Variants in MDM2 observed in about 807,000 individuals in gnomAD.
MDM2 encodes the protein MDM2 proto-oncogene.
A neutral mutation model predicts 64.3 loss-of-function variants in MDM2; 11 were observed. The observed-to-expected ratio is 0.17, with a 90% CI of 0.11 to 0.28. The LOEUF (loss-of-function observed/expected upper bound fraction) is 0.28. Among genes scored for constraint, MDM2 ranks in the 10% least tolerant of loss-of-function variants. The pLI, the probability that MDM2 is intolerant of heterozygous loss-of-function variation, is 1.00. For missense variants in MDM2, 388 were observed against 577.1 expected (o/e 0.67, Z 3.36); for synonymous variants, 194 against 192.9 (o/e 1.01, Z -0.05).
intron 1 of MDM2, chr12:68,808,967 GT>G: frequency 1.4e-6 from 2 of 1,410,446 alleles, no homozygotes; most frequent in South Asian, 3.3e-5. Flanking sequence ...AAGGAGTTAA[GT>G]CCTGACTTGT....
chr12:68,826,914 C>T (rs1037650479), intron 7 of MDM2, among the ~76,000 whole-genome samples: 10 of 152,098 alleles, frequency 6.6e-5, no homozygotes, highest in South Asian at 4.1e-4. Context: ...CAGTGGCTCA[C>T]GCCTGTAATC....
chr12:68,808,866 C>G, intron 1 of MDM2: 1 of 1,341,686 alleles, frequency 7.5e-7, no homozygotes, highest in South Asian at 1.8e-5. Flanking sequence ...TGCGCGTAGT[C>G]TGGGCGGGAT....
rs780839266 is a variant in MDM2, at chr12:68,841,714, G to T, written c.*1865G>T. The T allele has an allele frequency of 2.3e-4, 47 of 206,736 alleles. No individual in the cohort carries two copies. The highest frequency in any genetic ancestry group is 3.6e-4 in the Non-Finnish European group (37 of 101,474). 12.8% of individuals were successfully genotyped at this position (206,736 alleles called of 1,614,324 possible). A position where few individuals can be genotyped will look rare whatever the true frequency, so the allele number is the denominator to read the frequency against. On this transcript the variant is annotated 3_prime_UTR_variant, in exon 11 of 11. Coordinates refer to ENST00000258149, the MANE Select transcript of MDM2 (RefSeq NM_002392.6). ...CTTAAGGCCAGTTTTAGAAACCCGT[G>T]AATTCAGAAAAGTTAATTCAGAAAT...
At position 68,816,272 on chromosome 12, in the gene MDM2, A is replaced by G. The variant is rs188220595; in HGVS notation, c.175-540A>G. On this transcript the variant is annotated intron_variant, in intron 3 of 10. Transcript: ENST00000258149. Reference sequence around the variant, plus strand: ...GGGCAGAGTTAAAGTCTACAAGGAAAAAAACCTCACATTTTAAGGTTTGCT... The same window carrying G: ...GGGCAGAGTTAAAGTCTACAAGGAAGAAAACCTCACATTTTAAGGTTTGCT... 3.9e-5 allele frequency among the ~76,000 whole-genome samples: 6 copies of G among 152,242 alleles called. No individual in the cohort carries two copies. The East Asian group carries it at 9.6e-4, about 24-fold the overall frequency.
intron 8 of MDM2, 133 bp downstream of exon 8, chr12:68,829,064 TTAAAA>T: frequency 1.1e-6 from 1 of 930,216 alleles, no homozygotes; most frequent in Non-Finnish European, 1.6e-6. Flanking sequence ...AAATTTTACT[TTAAAA>T]TAAAACTACT....
At chr12:68,828,677 A>G (rs547866305) in intron 7 of MDM2, 94 bp from the exon 8 acceptor site, 8 of 1,064,444 alleles carry the variant, frequency 7.5e-6, no homozygotes, top group African/African-American at 3.2e-5. Flanking sequence ...AACTAATTTT[A>G]TTGAAACTAA....
rs1303225472 is a variant in MDM2 at position 68,824,379 on chromosome 12, T to A, written c.375T>A (p.Gly125=). ...VVNQQESSDS[G]TSVSENRCHL... ...TTCTCTCAGAATCATCGGACTCAGG[T>A]ACATCTGTGAGTGAGAACAGGTGTC... Residue 125 remains glycine, a synonymous_variant, in exon 6 of 11, where the codon GGT becomes GGA. Coordinates refer to ENST00000258149, the MANE Select transcript of MDM2 (RefSeq NM_002392.6). 6.2e-7 allele frequency: 1 copy of A among 1,613,820 alleles called. No individual in the cohort carries two copies. Among genetic ancestry groups the A allele is most frequent in the Admixed American group, 1.7e-5 (1 of 59,940 alleles).
intron 2 of MDM2, among the ~76,000 whole-genome samples, chr12:68,811,652 T>C (rs1331595016): frequency 6.8e-6 from 1 of 146,502 alleles, no homozygotes; most frequent in African/African-American, 2.6e-5. Context: ...TTGCCCAGGC[T>C]GGAGTGCAGT....
chr12:68,815,848 G>A (rs1350455420), intron 3 of MDM2: 1 of 164,528 alleles, frequency 6.1e-6, no homozygotes, highest in Non-Finnish European at 1.4e-5. Flanking sequence ...ATGTATTTAG[G>A]TAGTTGTTAA....
chr12:68,820,257 C>A (rs1881729183), intron 4 of MDM2, 68 bp from the exon 5 acceptor site: 1 of 1,206,104 alleles, frequency 8.3e-7, no homozygotes, highest in Non-Finnish European at 1.2e-6. Context: ...CTGGTTAGAT[C>A]CAGCTTAATA....
At chr12:68,846,990 A>G (rs1453772089), downstream of MDM2, 2 of 151,004 alleles carry the variant, frequency 1.3e-5, no homozygotes, top group East Asian at 3.9e-4. Flanking sequence ...GAAGTTTTTT[A>G]TTTGTTTTTT....
downstream of MDM2, chr12:68,848,916 T>C (rs936156775): frequency 2.0e-5 from 3 of 152,056 alleles, no homozygotes; most frequent in Non-Finnish European, 4.4e-5. Context: ...TTTCACTATA[T>C]TGGCCAGGCT....
Position 68,842,193 on chromosome 12 carries a change from A to G in MDM2, c.*2344A>G, listed in dbSNP as rs1046875566. Reference sequence around the variant, plus strand: ...GAATAAAACTACTGATGCAGTGAAGACAGTTGAAAAGATCAAACAAATGCC... The same window carrying G: ...GAATAAAACTACTGATGCAGTGAAGGCAGTTGAAAAGATCAAACAAATGCC... On this transcript the variant is annotated 3_prime_UTR_variant, in exon 11 of 11. Coordinates refer to ENST00000258149, the MANE Select transcript of MDM2 (RefSeq NM_002392.6). The G allele has an allele frequency of 1.0e-5, 5 of 499,184 alleles. No individual in the cohort carries two copies. Among genetic ancestry groups the G allele is most frequent in the Non-Finnish European group, 2.0e-5 (5 of 253,368 alleles). 30.9% of individuals were successfully genotyped at this position (499,184 alleles called of 1,614,324 possible).
chr12:68,828,938 T>G lies in MDM2; in HGVS notation c.684+7T>G, dbSNP rs973963800. 3.7e-6 allele frequency: 6 copies of G among 1,613,488 alleles called. No homozygotes were observed. In the African/African-American group the frequency reaches 8.0e-5, roughly 22 times the overall value. Reference sequence around the variant, plus strand: ...AGGGACGCCATCGAATCCGGTAATGTTCTCATTTTAAGTAAGGCAAGACTC... The same window carrying G: ...AGGGACGCCATCGAATCCGGTAATGGTCTCATTTTAAGTAAGGCAAGACTC... On this transcript the variant is annotated splice_region_variant and intron_variant, in intron 8 of 10. Coordinates refer to ENST00000258149, the MANE Select transcript of MDM2 (RefSeq NM_002392.6).
Position 68,838,726 on chromosome 12 carries a change from C to T in MDM2, c.919-548C>T, listed in dbSNP as rs76877476. On this transcript the variant is annotated intron_variant, in intron 10 of 10. Transcript: ENST00000258149. ...AGGCTGCATGACAGAGTAAAAGATCCCATAGACTTGCTTCAACTAAAGGAA... is the reference window on the plus strand; with the variant it reads ...AGGCTGCATGACAGAGTAAAAGATCTCATAGACTTGCTTCAACTAAAGGAA... Among the ~76,000 whole-genome samples the T allele has an allele frequency of 8.1e-3, 1,235 of 152,208 alleles. 25 individuals carry two copies. The highest frequency in any genetic ancestry group is 0.028 in the African/African-American group (1,183 of 41,518).
At chr12:68,812,885 GA>G (rs1196618881) in intron 2 of MDM2, among the ~76,000 whole-genome samples, 1 of 152,026 alleles carries the variant, frequency 6.6e-6, no homozygotes, top group Non-Finnish European at 1.5e-5. Context: ...GCTCTTTACA[GA>G]AAAAAATTGA....
At position 68,842,002 on chromosome 12, in the gene MDM2, C is replaced by T; in HGVS notation, c.*2153C>T. ...TCATCTGCAGCTGTTGCAAGGTGTT[C>T]AGATTGTATAAACATAAATGTCACA... On this transcript the variant is annotated 3_prime_UTR_variant, in exon 11 of 11. Transcript: ENST00000258149. 2.5e-6 allele frequency: 1 copy of T among 400,326 alleles called. No homozygotes were observed. Among genetic ancestry groups the T allele is most frequent in the Non-Finnish European group, 4.8e-6 (1 of 208,556 alleles). The allele number at this position is 400,326 out of a possible 1,614,324, so 24.8% of individuals were successfully genotyped here. A position where few individuals can be genotyped will look rare whatever the true frequency, so the allele number is the denominator to read the frequency against.
chr12:68,847,267 G>A (rs1884383621), downstream of MDM2: 1 of 137,418 alleles, frequency 7.3e-6, no homozygotes, highest in Non-Finnish European at 1.5e-5. Context: ...TGAACTCCTG[G>A]GCTCAAGCAA....
chr12:68,813,769 T>A, intron 3 of MDM2, 141 bp downstream of exon 3: 1 of 608,848 alleles, frequency 1.6e-6, no homozygotes, highest in Non-Finnish European at 2.9e-6. Flanking sequence ...TCGTTTGGAC[T>A]ATATTTTAAA....
Sources: allele counts gnomAD v4.1 joint callset (sites outside exome capture counted in the v4.1 genomes callset), GRCh38; gene constraint gnomAD v4.1.1; transcripts MANE v1.5; gene names NCBI Gene and HGNC (gene_info 2026-07-23, HGNC 2026-07-21).